The following SLC14A2 variants were observed in gnomAD, a reference collection of about 807,000 sequenced individuals.
SLC14A2 encodes the protein urea transporter 2.
A neutral mutation model predicts 104.6 loss-of-function variants in SLC14A2; 91 were observed. That is an observed-to-expected ratio of 0.87 (90% CI 0.73 to 1.04). The LOEUF (loss-of-function observed/expected upper bound fraction) is 1.04. Among genes scored for constraint, SLC14A2 ranks in the 50% least tolerant of loss-of-function variants. The pLI is 0.00. For synonymous variants in SLC14A2, 476 were observed against 466.4 expected (o/e 1.02, Z -0.27); for missense variants, 1,189 against 1,156.0 (o/e 1.03, Z -0.41).
intron 2 of SLC14A2, among the ~76,000 whole-genome samples, chr18:45,521,653 TG>T (rs1163162934): frequency 1.3e-5 from 2 of 152,116 alleles, no homozygotes; most frequent in African/African-American, 2.4e-5. Context: ...TATGAGATTA[TG>T]TCTGGCTCAA....
chr18:45,539,763 C>T (rs546261318), intron 2 of SLC14A2, among the ~76,000 whole-genome samples: 18 of 152,120 alleles, frequency 1.2e-4, no homozygotes, highest in African/African-American at 4.1e-4. Flanking sequence ...ATTAGACGGC[C>T]TGTGTTGACG....
At chr18:45,633,390 A>G (rs1191781519) in intron 5 of SLC14A2, among the ~76,000 whole-genome samples, 1 of 152,226 alleles carries the variant, frequency 6.6e-6, no homozygotes, top group East Asian at 1.9e-4. Context: ...TTGAACTGGA[A>G]GTATCGGTTG....
At chr18:45,333,850 C>T (rs2051323930) in intron 1 of SLC14A2, among the ~76,000 whole-genome samples, 1 of 152,082 alleles carries the variant, frequency 6.6e-6, no homozygotes, top group African/African-American at 2.4e-5. Context: ...CTAAGCCCAC[C>T]CAGTATTGAC....
chr18:45,240,130 T>C (rs1398752461), intron 1 of SLC14A2, among the ~76,000 whole-genome samples: 2 of 130,392 alleles, frequency 1.5e-5, no homozygotes, highest in Non-Finnish European at 3.1e-5. Context: ...CGAGTCTCAC[T>C]CTGTTGCCCA....
intron 1 of SLC14A2, among the ~76,000 whole-genome samples, chr18:45,260,290 C>A (rs1011674029): frequency 5.3e-5 from 8 of 152,140 alleles, no homozygotes; most frequent in African/African-American, 1.9e-4. Flanking sequence ...GTTAGGAAGT[C>A]ACAAGTTGCT....
At chr18:45,550,731 C>T (rs2044044827) in intron 2 of SLC14A2, among the ~76,000 whole-genome samples, 1 of 152,152 alleles carries the variant, frequency 6.6e-6, no homozygotes, top group Admixed American at 6.5e-5. Context: ...CTGTTTAAGG[C>T]TGGATCTGAG....
intron 1 of SLC14A2, among the ~76,000 whole-genome samples, chr18:45,267,016 G>T (rs75702532): frequency 1.6e-4 from 24 of 152,280 alleles, no homozygotes; most frequent in African/African-American, 5.8e-4. Flanking sequence ...CATTAATGTG[G>T]AAGCTTTTAT....
In SLC14A2 at chr18:45,302,473, G is replaced by A. The variant is rs550372913; in HGVS notation, c.-125+89282G>A. Among the ~76,000 whole-genome samples, 84 of 152,222 alleles carry A rather than the reference G, an allele frequency of 5.5e-4. 1 individual carries two copies. The highest frequency in any genetic ancestry group is 1.9e-3 in the African/African-American group (78 of 41,544). On this transcript the variant is annotated intron_variant, in intron 1 of 20. Coordinates refer to the SLC14A2 transcript ENST00000586448. ...TGTCCAAATTCTCTCAGAAAGTTAT[G>A]GACAGAGGCCTCAAGATTCCTTGTC... is the stretch of plus-strand genomic sequence containing the variant.
chr18:45,170,314 G>A, the SLC14A2 span, among the ~76,000 whole-genome samples: 1 of 152,100 alleles, frequency 6.6e-6, no homozygotes, highest in Non-Finnish European at 1.5e-5. Flanking sequence ...AAGCAGAAGG[G>A]CAGGCAGAGG....
chr18:45,551,737 G>A (rs1450017001), intron 2 of SLC14A2, among the ~76,000 whole-genome samples: 1 of 152,196 alleles, frequency 6.6e-6, no homozygotes, highest in East Asian at 1.9e-4. Context: ...GTGAAAGGTA[G>A]CACTTCTGCA....
At chr18:45,318,644 G>A (rs2085154757) in intron 1 of SLC14A2, among the ~76,000 whole-genome samples, 1 of 151,922 alleles carries the variant, frequency 6.6e-6, no homozygotes, top group Non-Finnish European at 1.5e-5. Context: ...AAAATTAGCT[G>A]GGCATGGTGG....
intron 2 of SLC14A2, among the ~76,000 whole-genome samples, chr18:45,593,328 A>T (rs2044677886): frequency 6.6e-6 from 1 of 151,598 alleles, no homozygotes; most frequent in African/African-American, 2.4e-5. Context: ...CAAAAAAAAA[A>T]GTGAGCCATC....
chr18:45,456,720 T>C (rs1296656980), intron 1 of SLC14A2, among the ~76,000 whole-genome samples: 1 of 150,630 alleles, frequency 6.6e-6, no homozygotes, highest in African/African-American at 2.4e-5. Flanking sequence ...CTTGAGAGAG[T>C]GGTGTTTTTT....
chr18:45,648,195 C>CTTTTTTTTTTTTTTTTTTTT lies in SLC14A2; in HGVS notation c.1351+4044_1351+4063dup, dbSNP rs59843067. Reference sequence around the variant, plus strand: ...GTTACCCTCTTTATTCTAGTTAATGCTTTTTTTTTTTTTTTTTTTTTTTTT... The same window carrying CTTTTTTTTTTTTTTTTTTTT: ...GTTACCCTCTTTATTCTAGTTAATGCTTTTTTTTTTTTTTTTTTTTTTTTTTTTTTTTTTTTTTTTTTTTT... On this transcript the variant is annotated intron_variant, in intron 10 of 19. Transcript: ENST00000255226. Among the ~76,000 whole-genome samples the CTTTTTTTTTTTTTTTTTTTT allele has an allele frequency of 2.0e-4, 20 of 101,242 alleles. 4 individuals are homozygous for CTTTTTTTTTTTTTTTTTTTT. The highest frequency in any genetic ancestry group is 7.7e-4 in the African/African-American group (20 of 25,946). 66.4% of individuals were successfully genotyped at this position (101,242 alleles called of 152,430 possible). A position where few individuals can be genotyped will look rare whatever the true frequency, so the allele number is the denominator to read the frequency against.
At chr18:45,347,368 T>A (rs2085460012) in intron 1 of SLC14A2, among the ~76,000 whole-genome samples, 1 of 152,150 alleles carries the variant, frequency 6.6e-6, no homozygotes, top group Admixed American at 6.5e-5. Context: ...AAACAAAATG[T>A]TTTGTTTTCC....
intron 2 of SLC14A2, among the ~76,000 whole-genome samples, chr18:45,489,262 G>A (rs991843148): frequency 1.3e-5 from 2 of 152,110 alleles, no homozygotes; most frequent in African/African-American, 4.8e-5. Flanking sequence ...TATAATCCCA[G>A]CACTTTGAGA....
upstream of SLC14A2, among the ~76,000 whole-genome samples, chr18:45,613,191 T>C (rs954843474): frequency 6.6e-6 from 1 of 152,038 alleles, no homozygotes. Flanking sequence ...CCCGCCACCA[T>C]GCCCAGCTAA....
intron 1 of SLC14A2, among the ~76,000 whole-genome samples, chr18:45,261,157 T>TC (rs567378643): frequency 6.6e-6 from 1 of 151,550 alleles, no homozygotes; most frequent in African/African-American, 2.4e-5. Flanking sequence ...ATGATATTCC[T>TC]CCCCCCTGCC....
At chr18:45,456,006 G>A (rs1438533075) in intron 1 of SLC14A2, among the ~76,000 whole-genome samples, 1 of 152,138 alleles carries the variant, frequency 6.6e-6, no homozygotes, top group Non-Finnish European at 1.5e-5. Context: ...GTTAGTTCTA[G>A]ACCAGTTAAT....
Sources: gnomAD v4.1 joint callset for allele counts (sites outside exome capture counted in the v4.1 genomes callset) on GRCh38, gnomAD v4.1.1 for gene constraint, MANE v1.5 for transcripts, NCBI Gene and HGNC (gene_info 2026-07-23, HGNC 2026-07-21) for gene names.